The following CALD1 variants were observed in gnomAD, a reference collection of about 807,000 sequenced individuals.
The protein encoded by CALD1 is caldesmon 1, also known as caldesmon.
A neutral mutation model predicts 99.9 loss-of-function variants in CALD1; 33 were observed. The ratio of observed to expected loss-of-function variants is 0.33; its 90% confidence interval spans 0.25 to 0.44. CALD1 has a LOEUF of 0.44. CALD1 is among the 20% of genes least tolerant of loss of function. CALD1 has a pLI of 1.00. For missense variants in CALD1, 861 were observed against 962.1 expected, an observed-to-expected ratio of 0.89 and a Z score of 1.39; for synonymous variants, 310 against 325.0, an observed-to-expected ratio of 0.95 and a Z score of 0.50.
chr7:134,873,515 A>G (rs1337936544), intron 3 of CALD1, among the ~76,000 whole-genome samples: 2 of 152,230 alleles, frequency 1.3e-5, no homozygotes, highest in African/African-American at 4.8e-5. Flanking sequence ...AGTATAAAAA[A>G]GTGCTAGACA....
chr7:134,940,045 G>C (rs1198919446), intron 6 of CALD1, among the ~76,000 whole-genome samples: 1 of 152,148 alleles, frequency 6.6e-6, no homozygotes, highest in African/African-American at 2.4e-5. Context: ...GATCAGGTCA[G>C]GATAGAACCT....
intron 2 of CALD1, among the ~76,000 whole-genome samples, chr7:134,861,222 C>T (rs1382511917): frequency 6.7e-6 from 1 of 149,742 alleles, no homozygotes; most frequent in Non-Finnish European, 1.5e-5. Context: ...AGAAACAAAG[C>T]TCATAGAGCT....
chr7:134,747,485 T>C (rs1796644781), intron 1 of CALD1, among the ~76,000 whole-genome samples: 1 of 152,252 alleles, frequency 6.6e-6, no homozygotes, highest in Admixed American at 6.5e-5. Context: ...TTAATTTAAA[T>C]GAAATCCAGG....
chr7:134,887,059 T>C (rs1257124684), intron 3 of CALD1, among the ~76,000 whole-genome samples: 2 of 152,110 alleles, frequency 1.3e-5, no homozygotes, highest in Admixed American at 1.3e-4. Context: ...CAAGCCCCTA[T>C]TACAGGCCTA....
At chr7:134,966,418 A>G (rs757913100) in intron 14 of CALD1, among the ~76,000 whole-genome samples, 2 of 152,236 alleles carry the variant, frequency 1.3e-5, no homozygotes, top group African/African-American at 4.8e-5. Flanking sequence ...ACCTGCTGGT[A>G]ATTATCACAT....
At chr7:134,791,629 G>A (rs368679070) in intron 1 of CALD1, among the ~76,000 whole-genome samples, 7 of 152,134 alleles carry the variant, frequency 4.6e-5, no homozygotes, top group East Asian at 1.9e-4. Flanking sequence ...CAGATAATCC[G>A]AAGAGGCATC....
intron 1 of CALD1, among the ~76,000 whole-genome samples, chr7:134,748,999 T>A (rs1796660822): frequency 6.6e-6 from 1 of 152,084 alleles, no homozygotes; most frequent in African/African-American, 2.4e-5. Flanking sequence ...AGAAAGCAGA[T>A]CCTCACCAGA....
chr7:134,912,322 G>C (rs1296762050), intron 3 of CALD1, among the ~76,000 whole-genome samples: 1 of 152,132 alleles, frequency 6.6e-6, no homozygotes, highest in Non-Finnish European at 1.5e-5. Context: ...TACTTGACTG[G>C]GTAAATGGAT....
In CALD1 at chr7:134,879,688, C is replaced by T. The variant is rs1279621764; in HGVS notation, c.71+11884C>T. 2.6e-5 allele frequency among the ~76,000 whole-genome samples: 4 copies of T among 152,238 alleles called. No homozygotes were observed. In the East Asian group the frequency reaches 7.7e-4, roughly 29 times the overall value. On this transcript the variant is annotated intron_variant, in intron 3 of 14. Coordinates refer to ENST00000361675, the MANE Select transcript of CALD1 (RefSeq NM_033138.4). ...GAATAAGCTTCTAATGTTTTGCCAGCATGATGGAAGTTACCAGGTAGGTAG... is the reference window on the plus strand; with the variant it reads ...GAATAAGCTTCTAATGTTTTGCCAGTATGATGGAAGTTACCAGGTAGGTAG...
chr7:134,955,103 C>T (rs1807662217), intron 9 of CALD1, among the ~76,000 whole-genome samples: 1 of 152,142 alleles, frequency 6.6e-6, no homozygotes, highest in South Asian at 2.1e-4. Context: ...AAGAATAAGA[C>T]CTTGTCAGTC....
intron 7 of CALD1, among the ~76,000 whole-genome samples, chr7:134,944,761 T>C (rs1482584991): frequency 1.3e-5 from 2 of 152,194 alleles, no homozygotes; most frequent in African/African-American, 4.8e-5. Context: ...AGTATTTAAA[T>C]GGCAAAGCTG....
chr7:134,962,983 T>G (rs1210403322), intron 13 of CALD1: 1 of 452,366 alleles, frequency 2.2e-6, no homozygotes, highest in African/African-American at 2.0e-5. Context: ...AACTTATAAC[T>G]CAGATGTTCA....
At chr7:134,743,262 G>A (rs142566633), upstream of CALD1, among the ~76,000 whole-genome samples, 4 of 152,314 alleles carry the variant, frequency 2.6e-5, no homozygotes, top group Non-Finnish European at 5.9e-5. Flanking sequence ...TTGAGGGGAG[G>A]AGAAGATAGG....
intron 2 of CALD1, among the ~76,000 whole-genome samples, chr7:134,848,093 T>TG (rs1799927024): frequency 6.7e-6 from 1 of 149,236 alleles, no homozygotes; most frequent in Non-Finnish European, 1.5e-5. Context: ...ACAAACAGTC[T>TG]GGGGAAAAAA....
chr7:134,716,250 G>C, the CALD1 span, among the ~76,000 whole-genome samples: 1 of 152,158 alleles, frequency 6.6e-6, no homozygotes, highest in African/African-American at 2.4e-5. Flanking sequence ...ATCAGGGGTA[G>C]TTTTGTTAAA....
chr7:134,845,582 TG>T (rs1349588800), intron 2 of CALD1, among the ~76,000 whole-genome samples: 1 of 152,224 alleles, frequency 6.6e-6, no homozygotes, highest in Non-Finnish European at 1.5e-5. Flanking sequence ...AGGGACTTAC[TG>T]AGTTTGAAGC....
the CALD1 span, among the ~76,000 whole-genome samples, chr7:134,713,205 C>A: frequency 2.6e-5 from 4 of 152,230 alleles, no homozygotes; most frequent in African/African-American, 9.6e-5. Flanking sequence ...CCTGTGGACA[C>A]CCCTTTGGTA....
At chr7:134,719,195 C>G in the CALD1 span, among the ~76,000 whole-genome samples, 1 of 151,590 alleles carries the variant, frequency 6.6e-6, no homozygotes, top group Non-Finnish European at 1.5e-5. Flanking sequence ...ATGAAGGTCA[C>G]TGGGAACGGA....
chr7:134,729,666 G>A, the CALD1 span, among the ~76,000 whole-genome samples: 2 of 152,228 alleles, frequency 1.3e-5, no homozygotes, highest in Admixed American at 6.5e-5. Context: ...GATGGCCTCT[G>A]CCACAGGACA....
Sources: gnomAD v4.1 joint callset for allele counts (sites outside exome capture counted in the v4.1 genomes callset) on GRCh38, gnomAD v4.1.1 for gene constraint, MANE v1.5 for transcripts, NCBI Gene and HGNC (gene_info 2026-07-23, HGNC 2026-07-21) for gene names.